Variants in MAP2 observed in about 807,000 individuals in gnomAD.
The protein encoded by MAP2 is microtubule-associated protein 2.
MAP2 carries 14 observed loss-of-function variants against 137.6 expected under a neutral mutation model. The ratio of observed to expected loss-of-function variants is 0.10; its 90% CI spans 0.07 to 0.16. MAP2 has a LOEUF of 0.16. Ranked by LOEUF, MAP2 falls within the 10% of genes least tolerant of loss-of-function variation. MAP2 has a pLI of 1.00. For missense variants in MAP2, 2,088 were observed against 2,191.5 expected (o/e 0.95, Z 0.94); for synonymous variants, 786 against 782.3 (o/e 1.00, Z -0.08).
chr2:209,704,752 C>A, intron 11 of MAP2: 1 of 732,142 alleles, frequency 1.4e-6, no homozygotes, highest in Middle Eastern at 3.8e-4. Context: ...AAACAGTAGG[C>A]CCTTTTAAAA....
At chr2:209,650,949 T>C (rs2094750511) in intron 4 of MAP2, among the ~76,000 whole-genome samples, 1 of 152,168 alleles carries the variant, frequency 6.6e-6, no homozygotes, top group African/African-American at 2.4e-5. Context: ...TTAAGCTCTT[T>C]GGTAAAACAA....
chr2:209,652,468 C>G (rs2094870492), intron 4 of MAP2, among the ~76,000 whole-genome samples: 1 of 151,976 alleles, frequency 6.6e-6, no homozygotes, highest in South Asian at 2.1e-4. Flanking sequence ...TTAAAGCTAT[C>G]TTTCTTTCTT....
rs1018756891 is a variant in MAP2, at chr2:209,733,910, G to A, written c.*3513G>A. On this transcript the variant is annotated 3_prime_UTR_variant, in exon 16 of 16. Transcript: ENST00000682079. ...AAAAAATCAACAAAAAGTATACTCT[G>A]TATGCTGGGATTCCGAGGTTCCAAC... 6.6e-6 allele frequency: 1 copy of A among 152,504 alleles called. No homozygotes were observed. The highest frequency in any genetic ancestry group is 2.1e-4 in the South Asian group (1 of 4,820). 9.4% of individuals were successfully genotyped at this position (152,504 alleles called of 1,614,324 possible).
chr2:209,514,474 T>C (rs1182316717), intron 2 of MAP2, among the ~76,000 whole-genome samples: 1 of 152,134 alleles, frequency 6.6e-6, no homozygotes. Context: ...ATCAGTTCTG[T>C]GGATTTAATT....
Position 209,700,237 on chromosome 2 carries a change from G to A in MAP2, c.4523-40G>A, listed in dbSNP as rs756535044. On this transcript the variant is annotated intron_variant, in intron 10 of 15. Transcript: ENST00000682079. The stretch of plus-strand genomic sequence containing the variant: ...TTAAAACTGCATTTATGACTTTTTA[G>A]CAACTAAGTTTGGGGTTGTTTGTCT... 3 of 1,564,594 alleles carry A rather than the reference G, an allele frequency of 1.9e-6. No individual in the cohort carries two copies. The East Asian group carries it at 6.7e-5, about 35-fold the overall frequency.
intron 2 of MAP2, among the ~76,000 whole-genome samples, chr2:209,515,883 C>T (rs1165845578): frequency 1.3e-5 from 2 of 152,080 alleles, no homozygotes; most frequent in Non-Finnish European, 2.9e-5. Context: ...ACCTACCCAG[C>T]TCAAGTGATC....
rs1008981172 is a variant in MAP2, at chr2:209,660,037, C to CA, written c.262+6615dup. ...TGGGCGACAGAGCGAGACTCAGTCT[C>CA]AAAAAAAAAATGCTGGTCACAGTAG... On this transcript the variant is annotated intron_variant, in intron 5 of 15. Transcript: ENST00000682079. Among the ~76,000 whole-genome samples, 93 of 146,584 alleles carry CA rather than the reference C, an allele frequency of 6.3e-4. No homozygotes were observed. The East Asian group carries it at 8.0e-3, about 13-fold the overall frequency.
intron 1 of MAP2, among the ~76,000 whole-genome samples, chr2:209,459,460 A>G (rs1295993118): frequency 6.6e-6 from 1 of 152,086 alleles, no homozygotes; most frequent in African/African-American, 2.4e-5. Context: ...CTTTCCTAAT[A>G]TTCAAGACGA....
chr2:209,450,539 T>C (rs1318997967), intron 1 of MAP2, among the ~76,000 whole-genome samples: 2 of 152,196 alleles, frequency 1.3e-5, no homozygotes, highest in Non-Finnish European at 2.9e-5. Flanking sequence ...ATAAATCACA[T>C]ATTTTTACTG....
At chr2:209,486,238 TC>T (rs200207736) in intron 1 of MAP2, among the ~76,000 whole-genome samples, 29 of 107,770 alleles carry the variant, frequency 2.7e-4, no homozygotes, top group African/African-American at 5.0e-4. Flanking sequence ...GGAAATCTTT[TC>T]TTTTTTTTTA....
intron 1 of MAP2, among the ~76,000 whole-genome samples, chr2:209,485,548 C>T (rs758441252): frequency 1.2e-4 from 18 of 152,092 alleles, no homozygotes; most frequent in Non-Finnish European, 2.4e-4. Flanking sequence ...TGAGGATAGC[C>T]CATAACCAAA....
chr2:209,425,147 G>GA (rs980219271), intron 1 of MAP2, among the ~76,000 whole-genome samples: 4 of 152,040 alleles, frequency 2.6e-5, no homozygotes, highest in African/African-American at 9.7e-5. Context: ...AAAAATCCTT[G>GA]AAAACTGGAA....
chr2:209,696,872 T>G, intron 9 of MAP2, 45 bp from the exon 10 acceptor site: 1 of 1,575,928 alleles, frequency 6.3e-7, no homozygotes, highest in Non-Finnish European at 8.6e-7. Context: ...CTCCACGTGT[T>G]TATTTTTTCC....
intron 5 of MAP2, among the ~76,000 whole-genome samples, chr2:209,676,829 A>G (rs958037097): frequency 4.1e-5 from 6 of 145,608 alleles, no homozygotes; most frequent in African/African-American, 1.5e-4. Context: ...TTTTCCATAA[A>G]TCACTGGGGT....
chr2:209,538,978 A>T (rs12621444), intron 2 of MAP2, among the ~76,000 whole-genome samples: 23,362 of 152,102 alleles, frequency 0.15, 2,393 homozygotes, highest in African/African-American at 0.29. Flanking sequence ...TTTTAATTAA[A>T]CACTAATACA....
chr2:209,444,354 T>C (rs2149421740), intron 1 of MAP2, among the ~76,000 whole-genome samples: 1 of 151,814 alleles, frequency 6.6e-6, no homozygotes, highest in South Asian at 2.1e-4. Context: ...AATTAATAAT[T>C]CATGCCTAAA....
intron 3 of MAP2, among the ~76,000 whole-genome samples, chr2:209,597,869 T>G (rs1328602236): frequency 6.6e-6 from 1 of 152,014 alleles, no homozygotes; most frequent in African/African-American, 2.4e-5. Flanking sequence ...AAGCCTCTCA[T>G]CCTCTGTTCT....
At chr2:209,457,668 T>A (rs1157505840) in intron 1 of MAP2, among the ~76,000 whole-genome samples, 1 of 152,162 alleles carries the variant, frequency 6.6e-6, no homozygotes, top group African/African-American at 2.4e-5. Context: ...CATATGTACT[T>A]CATAGGATTG....
chr2:209,637,690 A>G (rs1231199761), intron 4 of MAP2, among the ~76,000 whole-genome samples: 1 of 152,140 alleles, frequency 6.6e-6, no homozygotes, highest in Non-Finnish European at 1.5e-5. Flanking sequence ...TGATTAAAAT[A>G]TAAAATTGCT....
Sources: allele counts gnomAD v4.1 joint callset (sites outside exome capture counted in the v4.1 genomes callset), GRCh38; gene constraint gnomAD v4.1.1; transcripts MANE v1.5; gene names NCBI Gene and HGNC (gene_info 2026-07-23, HGNC 2026-07-21).